NREP: variants seen among roughly 807,000 people sequenced by gnomAD.
NREP encodes the protein neuronal regeneration related protein, also known as neuronal regeneration-related protein.
Under a neutral mutation model 8.6 loss-of-function variants are expected in NREP, and 5 were observed. The ratio of observed to expected loss-of-function variants is 0.58; its 90% CI spans 0.30 to 1.22. The LOEUF is 1.22. Ranked by LOEUF, NREP falls within the 50% of genes most tolerant of loss-of-function variation. NREP has a pLI of 0.07. For synonymous variants in NREP, 27 were observed against 28.0 expected, an observed-to-expected ratio of 0.96 and a Z score of 0.11; for missense variants, 86 against 82.5, an observed-to-expected ratio of 1.04 and a Z score of -0.17.
At chr5:111,947,562 T>G (rs1756026269) in intron 2 of NREP, among the ~76,000 whole-genome samples, 1 of 152,016 alleles carries the variant, frequency 6.6e-6, no homozygotes, top group African/African-American at 2.4e-5. Context: ...TAAATTTTAT[T>G]AAATTATCAC....
chr5:111,956,042 C>A (rs1168140850), intron 2 of NREP, among the ~76,000 whole-genome samples: 1 of 151,982 alleles, frequency 6.6e-6, no homozygotes, highest in East Asian at 1.9e-4. Context: ...GGGCTTGTTA[C>A]CCTCTCTAAA....
At chr5:111,805,748 A>G (rs1386000121) in intron 2 of NREP, among the ~76,000 whole-genome samples, 1 of 144,372 alleles carries the variant, frequency 6.9e-6, no homozygotes, top group South Asian at 2.4e-4. Context: ...ATATATGTTT[A>G]CTACACAGAG....
chr5:111,755,565 G>A, intron 2 of NREP: 3 of 612,816 alleles, frequency 4.9e-6, no homozygotes, highest in Non-Finnish European at 5.9e-6. Context: ...CAAAATAATT[G>A]CAAGTCAAAG....
chr5:111,788,792 A>C (rs931844353), intron 2 of NREP, among the ~76,000 whole-genome samples: 2 of 152,216 alleles, frequency 1.3e-5, no homozygotes, highest in Non-Finnish European at 2.9e-5. Context: ...TTCTGTGAGA[A>C]TGTTTTTGTA....
At chr5:111,867,404 C>T (rs1437585214) in intron 2 of NREP, among the ~76,000 whole-genome samples, 1 of 152,058 alleles carries the variant, frequency 6.6e-6, no homozygotes, top group Admixed American at 6.6e-5. Flanking sequence ...GACGCACTTC[C>T]TTGCACGTGC....
intron 1 of NREP, among the ~76,000 whole-genome samples, chr5:111,975,820 C>T (rs1756946635): frequency 2.6e-5 from 4 of 152,216 alleles, no homozygotes; most frequent in Admixed American, 1.3e-4. Flanking sequence ...TATTCTTCCC[C>T]AAAAATAGTT....
chr5:111,731,132 G>C, intron 3 of NREP, 86 bp from the exon 4 acceptor site: 1 of 1,492,256 alleles, frequency 6.7e-7, no homozygotes, highest in Non-Finnish European at 9.1e-7. Context: ...TTAAAATTTT[G>C]CTTTTCCTGC....
intron 2 of NREP, among the ~76,000 whole-genome samples, chr5:111,770,349 A>G (rs1237854904): frequency 6.6e-6 from 1 of 152,154 alleles, no homozygotes; most frequent in African/African-American, 2.4e-5. Context: ...TTTGTGGATT[A>G]TTACAAAAGG....
intron 2 of NREP, among the ~76,000 whole-genome samples, chr5:111,943,031 C>G (rs1755874863): frequency 6.6e-6 from 1 of 151,886 alleles, no homozygotes; most frequent in African/African-American, 2.4e-5. Flanking sequence ...CTTTGATCTC[C>G]TATACATATG....
intron 2 of NREP, among the ~76,000 whole-genome samples, chr5:111,938,217 C>T (rs1053161840): frequency 6.6e-6 from 1 of 152,088 alleles, no homozygotes; most frequent in African/African-American, 2.4e-5. Context: ...CTGGGAGCTC[C>T]ATTCCCTCAC....
At chr5:111,826,047 G>A (rs764711582) in intron 2 of NREP, among the ~76,000 whole-genome samples, 2 of 151,426 alleles carry the variant, frequency 1.3e-5, no homozygotes, top group South Asian at 2.1e-4. Flanking sequence ...TCCGCCTACC[G>A]TGTTCAAGCG....
chr5:111,846,977 T>TA (rs893937663), intron 2 of NREP, among the ~76,000 whole-genome samples: 3 of 152,142 alleles, frequency 2.0e-5, no homozygotes, highest in Admixed American at 6.6e-5. Flanking sequence ...ATAAAGTCAG[T>TA]AAAAAAATCT....
chr5:111,825,862 T>A (rs1752610568), intron 2 of NREP, among the ~76,000 whole-genome samples: 1 of 151,960 alleles, frequency 6.6e-6, no homozygotes, highest in South Asian at 2.1e-4. Flanking sequence ...AATATTCAGG[T>A]CTCCCTCAGG....
chr5:111,975,265 T>G (rs1178429089), intron 2 of NREP: 7 of 1,543,608 alleles, frequency 4.5e-6, no homozygotes, highest in Admixed American at 2.0e-5. Flanking sequence ...GGATAGCAGT[T>G]TGTCTTACAC....
At chr5:111,784,256 T>C (rs1581115313) in intron 2 of NREP, among the ~76,000 whole-genome samples, 1 of 152,130 alleles carries the variant, frequency 6.6e-6, no homozygotes, top group East Asian at 1.9e-4. Context: ...GGTGGTATGT[T>C]TAGTTTTGTC....
At chr5:111,863,177 G>T (rs1157223844) in intron 2 of NREP, among the ~76,000 whole-genome samples, 1 of 152,014 alleles carries the variant, frequency 6.6e-6, no homozygotes, top group Non-Finnish European at 1.5e-5. Flanking sequence ...AATGGTAGTA[G>T]AGAGAGAGAA....
At chr5:111,878,217 G>C (rs576699240) in intron 2 of NREP, among the ~76,000 whole-genome samples, 3 of 152,178 alleles carry the variant, frequency 2.0e-5, no homozygotes, top group Non-Finnish European at 2.9e-5. Flanking sequence ...TCATATAATA[G>C]ATGTACTAGT....
chr5:111,764,856 G>T (rs962862879), intron 2 of NREP, among the ~76,000 whole-genome samples: 4 of 152,108 alleles, frequency 2.6e-5, no homozygotes, highest in Non-Finnish European at 4.4e-5. Context: ...GAATTATGAA[G>T]GTGCTTGCAT....
chr5:111,772,198 T>C (rs1040774106), intron 2 of NREP, among the ~76,000 whole-genome samples: 19 of 152,320 alleles, frequency 1.2e-4, no homozygotes, highest in African/African-American at 4.6e-4. Context: ...AATGTGATTC[T>C]TTAGTTGCCC....
Sources: allele counts gnomAD v4.1 joint callset (sites outside exome capture counted in the v4.1 genomes callset), GRCh38; gene constraint gnomAD v4.1.1; transcripts MANE v1.5; gene names NCBI Gene and HGNC (gene_info 2026-07-23, HGNC 2026-07-21).